TM2D2: variants seen among roughly 807,000 people sequenced by gnomAD.
TM2D2 encodes TM2 domain containing 2.
TM2D2 carries 19 observed loss-of-function variants against 23.0 expected under a neutral mutation model. The ratio of observed to expected loss-of-function variants is 0.82; its 90% CI spans 0.58 to 1.21. TM2D2 has a LOEUF of 1.21. Ranked by LOEUF, TM2D2 falls within the 50% of genes most tolerant of loss-of-function variation. The pLI is 0.00. For synonymous variants in TM2D2, 120 were observed against 108.8 expected (o/e 1.10, Z -0.64); for missense variants, 246 against 265.4 (o/e 0.93, Z 0.51).
chr8:38,996,710 T>A, upstream of TM2D2: 1 of 1,420,250 alleles, frequency 7.0e-7, no homozygotes, highest in South Asian at 1.5e-5. Flanking sequence ...CCGAATGCGT[T>A]CTCCAATCGG....
In TM2D2 at chr8:38,989,929, G is replaced by GGA. The variant is rs142288846; in HGVS notation, c.*1401_*1402dup. On this transcript the variant is annotated 3_prime_UTR_variant, in exon 4 of 4. Transcript: ENST00000456397. ...ATTCTGTGTATGTAGATTTTTCTGG[G>GGA]GAGAGGGTCTAGTTTCTTCATGACC... 2.2e-4 allele frequency: 33 copies of GGA among 152,148 alleles called. No individual in the cohort carries two copies. The highest frequency in any genetic ancestry group is 6.0e-4 in the African/African-American group (25 of 41,522). The allele number at this position is 152,148 out of a possible 1,614,324, so 9.4% of individuals were successfully genotyped here. A position where few individuals can be genotyped will look rare whatever the true frequency, so the allele number is the denominator to read the frequency against.
upstream of TM2D2, chr8:38,996,714 C>G (rs926844361): frequency 9.0e-5 from 128 of 1,421,092 alleles, no homozygotes; most frequent in Non-Finnish European, 1.1e-4. Context: ...ATGCGTTCTC[C>G]AATCGGATCC....
At position 38,993,637 on chromosome 8, in the gene TM2D2, G is replaced by A. The variant is rs768930182; in HGVS notation, c.339C>T (p.Asp113=). The A allele has an allele frequency of 1.8e-5, 29 of 1,613,522 alleles. No individual in the cohort carries two copies. Among genetic ancestry groups the A allele is most frequent in the Admixed American group, 3.3e-5 (2 of 59,982 alleles). Residue 113 remains aspartate (D), a synonymous_variant, in exon 3 of 4, where the codon GAC becomes GAT. Transcript: ENST00000456397. ...GGCACTGGACTGAAGTGTGTTCCAC[G>A]TCGCTGTAGGCCTGACCGCCGAACT... ...CLKFGGQAYS[D]VEHTSVQCHA... is the part of the protein sequence containing the mutation.
intron 1 of TM2D2, 86 bp downstream of exon 1, chr8:38,996,127 C>T (rs1336991584): frequency 1.4e-6 from 2 of 1,438,484 alleles, no homozygotes; most frequent in Non-Finnish European, 1.9e-6. Flanking sequence ...AAAAATGCAG[C>T]GTCCCCCCAA....
At chr8:38,993,032 T>C (rs1835649710) in intron 3 of TM2D2, among the ~76,000 whole-genome samples, 1 of 152,192 alleles carries the variant, frequency 6.6e-6, no homozygotes, top group African/African-American at 2.4e-5. Flanking sequence ...AAAACCTTTA[T>C]TCCTGAAATA....
chr8:38,995,144 A>T (rs1835719106), intron 2 of TM2D2, 174 bp downstream of exon 2: 3 of 535,800 alleles, frequency 5.6e-6, no homozygotes, highest in Non-Finnish European at 9.5e-6. Flanking sequence ...TTCATAAGGA[A>T]ACCAAATATC....
chr8:38,996,508 C>T lies in TM2D2; in HGVS notation c.-69G>A. The T allele has an allele frequency of 6.3e-7, 1 of 1,591,536 alleles. No homozygotes were observed. Among genetic ancestry groups the T allele is most frequent in the South Asian group, 1.1e-5 (1 of 89,520 alleles). Reference sequence around the variant, plus strand: ...CAGGCCAGCAGCACAGACCCAAGAACTGCGTGGTCAGGCCTTTCCGCGTAG... The same window carrying T: ...CAGGCCAGCAGCACAGACCCAAGAATTGCGTGGTCAGGCCTTTCCGCGTAG... On this transcript the variant is annotated 5_prime_UTR_variant, in exon 1 of 4. Coordinates refer to ENST00000456397, the MANE Select transcript of TM2D2 (RefSeq NM_078473.3).
chr8:38,995,119 C>T, intron 2 of TM2D2, 199 bp downstream of exon 2: 1 of 486,642 alleles, frequency 2.1e-6, no homozygotes, highest in Non-Finnish European at 3.6e-6. Context: ...GTGGTTTTAG[C>T]ACAGAGATTG....
chr8:38,993,721 C>A, intron 2 of TM2D2, 61 bp from the exon 3 acceptor site: 1 of 1,217,812 alleles, frequency 8.2e-7, no homozygotes, highest in Non-Finnish European at 1.2e-6. Context: ...AAACATCTAT[C>A]TTTATATTCA....
Position 38,996,296 on chromosome 8 carries a change from G to A in TM2D2, c.144C>T (p.Gly48=), listed in dbSNP as rs750620364. 6.8e-6 allele frequency: 11 copies of A among 1,614,034 alleles called. No individual in the cohort carries two copies. The Middle Eastern group carries it at 8.2e-4, about 121-fold the overall frequency. The part of the protein sequence containing the change: ...ATAEPELTSA[G]AAQPEGPGGA... ...CCCCGGGGCCCTCCGGCTGGGCGGC[G>A]CCAGCGGATGTGAGCTCAGGCTCAG... Residue 48 remains glycine, a synonymous_variant, in exon 1 of 4, where the codon GGC becomes GGT. Coordinates refer to ENST00000456397, the MANE Select transcript of TM2D2 (RefSeq NM_078473.3).
At chr8:38,994,614 T>C (rs910252476) in intron 2 of TM2D2, among the ~76,000 whole-genome samples, 5 of 152,200 alleles carry the variant, frequency 3.3e-5, no homozygotes, top group African/African-American at 1.2e-4. Flanking sequence ...ATCATTCTCT[T>C]AACATCTGAC....
At chr8:38,996,581 C>T (rs1306983487), upstream of TM2D2, 1 of 1,465,368 alleles carries the variant, frequency 6.8e-7, no homozygotes, top group South Asian at 1.4e-5. Context: ...CGCAGCTCGA[C>T]GCTCCGCGCA....
In TM2D2 at chr8:38,991,126, A is replaced by G; in HGVS notation, c.*206T>C. On this transcript the variant is annotated 3_prime_UTR_variant, in exon 4 of 4. Coordinates refer to ENST00000456397, the MANE Select transcript of TM2D2 (RefSeq NM_078473.3). ...AAAGGAACAAATTTGATTCCCCACA[A>G]CACTTTTTGCTTGTCATTCCGTCTG... The G allele has an allele frequency of 1.7e-6, 1 of 596,208 alleles. No individual in the cohort carries two copies. Among genetic ancestry groups the G allele is most frequent in the Non-Finnish European group, 3.0e-6 (1 of 336,762 alleles). 36.9% of individuals were successfully genotyped at this position (596,208 alleles called of 1,614,324 possible). A position where few individuals can be genotyped will look rare whatever the true frequency, so the allele number is the denominator to read the frequency against.
In TM2D2 at chr8:38,991,111, A is replaced by C; in HGVS notation, c.*221T>G. 1 of 585,004 alleles carries C rather than the reference A, an allele frequency of 1.7e-6. No individual in the cohort carries two copies. Among genetic ancestry groups the C allele is most frequent in the East Asian group, 2.9e-5 (1 of 34,910 alleles). The allele number at this position is 585,004 out of a possible 1,614,324, so 36.2% of individuals were successfully genotyped here. A position where few individuals can be genotyped will look rare whatever the true frequency, so the allele number is the denominator to read the frequency against. On this transcript the variant is annotated 3_prime_UTR_variant, in exon 4 of 4. Transcript: ENST00000456397. ...GTTTTGTGCATGAGGAAAGGAACAA[A>C]TTTGATTCCCCACAACACTTTTTGC...
At chr8:38,996,723 C>A, upstream of TM2D2, 1 of 1,419,686 alleles carries the variant, frequency 7.0e-7, no homozygotes, top group East Asian at 2.6e-5. Context: ...CCAATCGGAT[C>A]CGTCGACCCC....
chr8:38,993,053 T>C (rs1285495227), intron 3 of TM2D2, among the ~76,000 whole-genome samples: 5 of 152,202 alleles, frequency 3.3e-5, no homozygotes, highest in Non-Finnish European at 7.3e-5. Context: ...CTAGGGCAAT[T>C]TGCACAAGAT....
At chr8:38,996,986 C>A (rs757772999), upstream of TM2D2, 2 of 1,544,304 alleles carry the variant, frequency 1.3e-6, no homozygotes, top group East Asian at 2.4e-5. Flanking sequence ...CTTGGGGCCC[C>A]GGCAGGGTTG....
Position 38,990,128 on chromosome 8 carries a change from C to T in TM2D2, c.*1204G>A, listed in dbSNP as rs141987435. 816 of 152,246 alleles carry T rather than the reference C, an allele frequency of 5.4e-3. 11 individuals are homozygous for T. The highest frequency in any genetic ancestry group is 0.018 in the African/African-American group (763 of 41,544). The allele number at this position is 152,246 out of a possible 1,614,324, so 9.4% of individuals were successfully genotyped here. A position where few individuals can be genotyped will look rare whatever the true frequency, so the allele number is the denominator to read the frequency against. On this transcript the variant is annotated 3_prime_UTR_variant, in exon 4 of 4. Transcript: ENST00000456397. ...ATTGCCACCTTTAATAATGTAAAAA[C>T]AGTGATTAATCAGGAATGATAAAGC...
chr8:38,996,314 A>C lies in TM2D2; in HGVS notation c.126T>G (p.Pro42=). ...RSHSQNATAE[P]ELTSAGAAQP... ...GGGCGGCGCCAGCGGATGTGAGCTC[A>C]GGCTCAGCGGTCGCATTTTGCGAGT... The change falls in exon 1 of 4, where the codon CCT becomes CCG. Residue 42 remains proline (P), a synonymous_variant. Coordinates refer to ENST00000456397, the MANE Select transcript of TM2D2 (RefSeq NM_078473.3). The C allele has an allele frequency of 6.2e-7, 1 of 1,614,134 alleles. No individual in the cohort carries two copies. The highest frequency in any genetic ancestry group is 2.2e-5 in the East Asian group (1 of 44,880).
Sources: allele counts gnomAD v4.1 joint callset (sites outside exome capture counted in the v4.1 genomes callset), GRCh38; gene constraint gnomAD v4.1.1; transcripts MANE v1.5; gene names NCBI Gene and HGNC (gene_info 2026-07-23, HGNC 2026-07-21).